The following GPI variants were observed in gnomAD, a reference collection of about 807,000 sequenced individuals.
GPI encodes the protein glucose-6-phosphate isomerase, also known as D-hexose-6-phosphate anomerase.
Under a neutral mutation model 75.8 loss-of-function variants are expected in GPI, and 56 were observed. That is an observed-to-expected ratio of 0.74 (90% CI 0.60 to 0.92). The LOEUF (loss-of-function observed/expected upper bound fraction) is 0.92. Among genes scored for constraint, GPI ranks in the 40% least tolerant of loss-of-function variants. The pLI, the probability that GPI is intolerant of heterozygous loss-of-function variation, is 0.00. For synonymous variants in GPI, 288 were observed against 285.4 expected (o/e 1.01, Z -0.09); for missense variants, 638 against 741.0 (o/e 0.86, Z 1.61).
chr19:34,390,684 G>A (rs1458135011), intron 9 of GPI, among the ~76,000 whole-genome samples: 1 of 151,424 alleles, frequency 6.6e-6, no homozygotes, highest in Non-Finnish European at 1.5e-5. Flanking sequence ...GTCTTCCTGT[G>A]TCTGAGAAGG....
chr19:34,379,592 C>T, intron 8 of GPI, 30 bp downstream of exon 8: 1 of 1,589,898 alleles, frequency 6.3e-7, no homozygotes, highest in South Asian at 1.1e-5. Flanking sequence ...CCTGTACTGC[C>T]TTCCTGGGAG....
At chr19:34,392,120 T>C in intron 9 of GPI, 1 of 934 alleles carries the variant, frequency 1.1e-3, no homozygotes, top group Non-Finnish European at 1.5e-3. Context: ...TAAGAGGATC[T>C]GCATCTGTCA....
chr19:34,369,996 C>T (rs2074427266), intron 4 of GPI, among the ~76,000 whole-genome samples: 1 of 152,248 alleles, frequency 6.6e-6, no homozygotes, highest in Admixed American at 6.5e-5. Flanking sequence ...ACACATCTGT[C>T]ATCTCCTCTT....
At chr19:34,378,535 C>T (rs1266887969) in intron 6 of GPI, among the ~76,000 whole-genome samples, 1 of 152,008 alleles carries the variant, frequency 6.6e-6, no homozygotes, top group Admixed American at 6.6e-5. Flanking sequence ...CCTTTCTGAT[C>T]CCAGAGCCAT....
At chr19:34,382,221 C>G (rs994699337) in intron 9 of GPI, among the ~76,000 whole-genome samples, 1 of 152,164 alleles carries the variant, frequency 6.6e-6, no homozygotes, top group Non-Finnish European at 1.5e-5. Flanking sequence ...GCCGGGCTTA[C>G]GTGCAGGGCT....
chr19:34,379,485 C>T, intron 7 of GPI, 33 bp from the exon 8 acceptor site: 1 of 1,607,246 alleles, frequency 6.2e-7, no homozygotes, highest in East Asian at 2.2e-5. Flanking sequence ...TCTCCCTGGG[C>T]TGGCTGTGGT....
At chr19:34,368,928 G>A (rs1372472561) in intron 4 of GPI, 1 of 612,458 alleles carries the variant, frequency 1.6e-6, no homozygotes, top group Admixed American at 2.6e-5. Flanking sequence ...CAGAAGTGGG[G>A]CCAGTTTCTT....
intron 4 of GPI, among the ~76,000 whole-genome samples, chr19:34,369,254 GGC>G (rs2074414033): frequency 6.6e-6 from 1 of 151,716 alleles, no homozygotes; most frequent in African/African-American, 2.4e-5. Flanking sequence ...TCACCATGTT[GGC>G]CAGGCTGGTC....
chr19:34,390,414 G>A (rs559248949), intron 9 of GPI, among the ~76,000 whole-genome samples: 11 of 152,274 alleles, frequency 7.2e-5, no homozygotes, highest in East Asian at 5.8e-4. Context: ...TCCTGGCACC[G>A]GTAAGGGGCT....
At chr19:34,395,802 T>C (rs936251686) in intron 12 of GPI, among the ~76,000 whole-genome samples, 2 of 152,078 alleles carry the variant, frequency 1.3e-5, no homozygotes, top group African/African-American at 4.8e-5. Flanking sequence ...GCAGGGTGGG[T>C]CTGCCTGGAG....
intron 4 of GPI, among the ~76,000 whole-genome samples, chr19:34,369,948 T>G (rs2074426410): frequency 6.6e-6 from 1 of 152,176 alleles, no homozygotes; most frequent in Non-Finnish European, 1.5e-5. Flanking sequence ...AATAGAAAAG[T>G]TTTCCTGTGA....
At chr19:34,381,950 C>T (rs533202422) in intron 9 of GPI, among the ~76,000 whole-genome samples, 26 of 152,300 alleles carry the variant, frequency 1.7e-4, no homozygotes, top group Non-Finnish European at 3.1e-4. Context: ...GCAGGAGGAG[C>T]TGGGGGGGTG....
chr19:34,367,451 G>A (rs2074384204), intron 3 of GPI, among the ~76,000 whole-genome samples: 2 of 152,206 alleles, frequency 1.3e-5, no homozygotes, highest in Admixed American at 6.5e-5. Context: ...AACCTGTCTT[G>A]CATTGTGGGT....
intron 3 of GPI, 42 bp downstream of exon 3, chr19:34,366,893 C>T (rs748264583): frequency 7.2e-7 from 1 of 1,390,174 alleles, no homozygotes; most frequent in Admixed American, 1.7e-5. Flanking sequence ...CCTTCCTTCC[C>T]TTTGGGGTTT....
chr19:34,397,848 C>T (rs1360208780), intron 14 of GPI: 1 of 149,284 alleles, frequency 6.7e-6, no homozygotes, highest in Admixed American at 6.8e-5. Context: ...ATTGGGGCTA[C>T]TAGATAATCC....
At chr19:34,377,028 T>G (rs888673037) in intron 4 of GPI, among the ~76,000 whole-genome samples, 3 of 148,356 alleles carry the variant, frequency 2.0e-5, no homozygotes, top group African/African-American at 7.5e-5. Flanking sequence ...AATAGCTGGG[T>G]GCGGTGGCTC....
At chr19:34,389,688 G>C (rs755686318) in intron 9 of GPI, among the ~76,000 whole-genome samples, 7 of 152,190 alleles carry the variant, frequency 4.6e-5, no homozygotes, top group Non-Finnish European at 1.0e-4. Context: ...CTGCTGGAAT[G>C]CTCCCTCAGT....
upstream of GPI, among the ~76,000 whole-genome samples, chr19:34,362,798 T>G (rs2074308027): frequency 6.6e-6 from 1 of 152,180 alleles, no homozygotes; most frequent in Non-Finnish European, 1.5e-5. Flanking sequence ...GACAGGCAGC[T>G]TAACACCATA....
intron 2 of GPI, 36 bp downstream of exon 2, chr19:34,366,471 G>A (rs368757760): frequency 9.7e-6 from 14 of 1,441,808 alleles, no homozygotes; most frequent in African/African-American, 2.8e-5. Context: ...ACTGGTAACC[G>A]ACAGAGTGGT....
Sources: gnomAD v4.1 joint callset for allele counts (sites outside exome capture counted in the v4.1 genomes callset) on GRCh38, gnomAD v4.1.1 for gene constraint, MANE v1.5 for transcripts, NCBI Gene and HGNC (gene_info 2026-07-23, HGNC 2026-07-21) for gene names.